CLYBL: variants seen among roughly 807,000 people sequenced by gnomAD.
The protein encoded by CLYBL is citramalyl-CoA lyase.
In CLYBL, 31 loss-of-function variants were observed where a neutral mutation model predicts 38.9. The observed-to-expected ratio is 0.80, with a 90% CI of 0.60 to 1.08. CLYBL has a LOEUF of 1.08. Ranked by LOEUF, CLYBL falls within the 50% of genes least tolerant of loss-of-function variation. CLYBL has a pLI of 0.00. For missense variants in CLYBL, 434 were observed against 411.6 expected (o/e 1.05, Z -0.47); for synonymous variants, 171 against 158.6 (o/e 1.08, Z -0.59).
chr13:99,803,441 C>G (rs1443013976), intron 2 of CLYBL, among the ~76,000 whole-genome samples: 2 of 152,228 alleles, frequency 1.3e-5, no homozygotes, highest in Admixed American at 6.5e-5. Context: ...TTTAATTAAG[C>G]CAGTCTGAAT....
intron 1 of CLYBL, among the ~76,000 whole-genome samples, chr13:99,635,800 A>G (rs189579735): frequency 9.8e-5 from 15 of 152,324 alleles, no homozygotes; most frequent in African/African-American, 2.9e-4. Flanking sequence ...CAAGTTGTTT[A>G]ATCTCCCCAG....
chr13:99,616,550 C>A (rs1382835518), intron 1 of CLYBL, among the ~76,000 whole-genome samples: 1 of 152,226 alleles, frequency 6.6e-6, no homozygotes, highest in East Asian at 1.9e-4. Flanking sequence ...CACACTGGGC[C>A]CGCCCATGGG....
rs188477000 is a variant in CLYBL at position 99,643,463 on chromosome 13, A to T, written c.62+36706A>T. On this transcript the variant is annotated intron_variant, in intron 1 of 8. Coordinates refer to ENST00000339105, the MANE Select transcript of CLYBL (RefSeq NM_206808.5). Reference sequence around the variant, plus strand: ...GAAAAAGAAGAGCTAAAACAGGTAGAAGCCTGAAACCAAGGGGCATATGCA... The same window carrying T: ...GAAAAAGAAGAGCTAAAACAGGTAGTAGCCTGAAACCAAGGGGCATATGCA... Among the ~76,000 whole-genome samples the T allele has an allele frequency of 2.6e-4, 39 of 152,342 alleles. No homozygotes were observed. In the East Asian group the frequency reaches 4.4e-3, roughly 17 times the overall value.
In CLYBL at chr13:99,761,685, G is replaced by A. The variant is rs1462520417; in HGVS notation, c.63-11139G>A. Among the ~76,000 whole-genome samples, 6 of 152,312 alleles carry A rather than the reference G, an allele frequency of 3.9e-5. No homozygotes were observed. The South Asian group carries it at 1.2e-3, about 32-fold the overall frequency. ...TTCCTTTCTTTTGGATATATACTGA[G>A]TAGTAGAATTGCTGGATCACAGCAC... is the stretch of plus-strand genomic sequence containing the variant. On this transcript the variant is annotated intron_variant, in intron 1 of 8. Transcript: ENST00000339105.
intron 1 of CLYBL, among the ~76,000 whole-genome samples, chr13:99,657,352 A>G (rs895880791): frequency 6.6e-6 from 1 of 152,258 alleles, no homozygotes; most frequent in Non-Finnish European, 1.5e-5. Flanking sequence ...ACACAGCTGT[A>G]TAGAGCAAAA....
At chr13:99,747,235 C>G (rs1331355449) in intron 1 of CLYBL, among the ~76,000 whole-genome samples, 3 of 141,116 alleles carry the variant, frequency 2.1e-5, no homozygotes, top group Non-Finnish European at 4.6e-5. Context: ...CCCCATGCTC[C>G]CTTTCTTTTC....
At chr13:99,902,527 C>T (rs2052654157) in intron 8 of CLYBL, among the ~76,000 whole-genome samples, 1 of 152,188 alleles carries the variant, frequency 6.6e-6, no homozygotes, top group South Asian at 2.1e-4. Flanking sequence ...TCTCTTCCTT[C>T]TCAAAGGGCA....
chr13:99,634,208 C>T (rs1434820878), intron 1 of CLYBL, among the ~76,000 whole-genome samples: 1 of 152,154 alleles, frequency 6.6e-6, no homozygotes, highest in South Asian at 2.1e-4. Context: ...AGAAGGTAAA[C>T]GTATTGAAAG....
intron 1 of CLYBL, among the ~76,000 whole-genome samples, chr13:99,620,889 A>G (rs2046785558): frequency 6.6e-6 from 1 of 152,220 alleles, no homozygotes; most frequent in Non-Finnish European, 1.5e-5. Context: ...CACCTCAACT[A>G]CAAAGGAGTC....
chr13:99,785,191 CTTTTTTTTTTTTT>C (rs58550861), intron 2 of CLYBL, among the ~76,000 whole-genome samples: 60 of 34,208 alleles, frequency 1.8e-3, no homozygotes, highest in East Asian at 9.4e-3. Context: ...CCCCGCCTGG[CTTTTTTTTTTTTT>C]TTTTTTTTTT....
rs377144817 is a variant in CLYBL at position 99,622,650 on chromosome 13, T to C, written c.62+15893T>C. Among the ~76,000 whole-genome samples the C allele has an allele frequency of 5.0e-4, 76 of 152,270 alleles. No homozygotes were observed. The East Asian group carries it at 0.013, about 25-fold the overall frequency. The stretch of plus-strand genomic sequence containing the variant: ...ATCACCTCCATCTAGTTCCAAAACA[T>C]TTTCATCGCCCTAAAGGAGAACTCT... On this transcript the variant is annotated intron_variant, in intron 1 of 8. Transcript: ENST00000339105.
chr13:99,898,767 T>TTGAAA (rs2052610295), downstream of CLYBL, among the ~76,000 whole-genome samples: 2 of 152,212 alleles, frequency 1.3e-5, no homozygotes, highest in African/African-American at 4.8e-5. Context: ...TGAGAGATCC[T>TTGAAA]CCCAGCTCCC....
At chr13:99,681,817 C>T (rs767679616) in intron 1 of CLYBL, among the ~76,000 whole-genome samples, 2 of 152,076 alleles carry the variant, frequency 1.3e-5, no homozygotes, top group African/African-American at 2.4e-5. Context: ...AATTCCTGAC[C>T]TCAAGTGATC....
chr13:99,842,668 G>A (rs1031765107), intron 2 of CLYBL, among the ~76,000 whole-genome samples: 2 of 151,998 alleles, frequency 1.3e-5, no homozygotes, highest in African/African-American at 2.4e-5. Flanking sequence ...CCCCAAGTGG[G>A]TGTGCACAGG....
chr13:99,631,331 A>ATG (rs10643696), intron 1 of CLYBL, among the ~76,000 whole-genome samples: 45,447 of 145,032 alleles, frequency 0.31, 7,331 homozygotes, highest in East Asian at 0.61. Context: ...CCAAATATTT[A>ATG]TGTGTGTGTG....
intron 1 of CLYBL, among the ~76,000 whole-genome samples, chr13:99,662,812 GCTTGAGCA>G (rs1410377909): frequency 6.6e-6 from 1 of 152,104 alleles, no homozygotes; most frequent in Non-Finnish European, 1.5e-5. Context: ...TTTTTAGATT[GCTTGAGCA>G]CTTTCCTTGT....
chr13:99,804,536 G>A (rs2050194561), intron 2 of CLYBL, among the ~76,000 whole-genome samples: 1 of 151,984 alleles, frequency 6.6e-6, no homozygotes. Flanking sequence ...AATGGGATTT[G>A]TGCAGCTGCA....
rs137939940 is a variant in CLYBL, at chr13:99,727,844, G to A, written c.63-44980G>A. Among the ~76,000 whole-genome samples, 609 of 152,262 alleles carry A rather than the reference G, an allele frequency of 4.0e-3. 3 individuals carry two copies. Among genetic ancestry groups the A allele is most frequent in the Non-Finnish European group, 5.8e-3 (394 of 68,018 alleles). On this transcript the variant is annotated intron_variant, in intron 1 of 8. Coordinates refer to ENST00000339105, the MANE Select transcript of CLYBL (RefSeq NM_206808.5). The stretch of plus-strand genomic sequence containing the variant: ...TGTAGTCCCAGTACTTTGAGAGGCC[G>A]AGGTGGGCGGATCACTTGAGGCCAG...
chr13:99,752,352 C>G (rs2048973213), intron 1 of CLYBL, among the ~76,000 whole-genome samples: 1 of 152,154 alleles, frequency 6.6e-6, no homozygotes, highest in South Asian at 2.1e-4. Context: ...AGACATGGTG[C>G]TGTGAGCTCC....
Sources: allele counts gnomAD v4.1 joint callset (sites outside exome capture counted in the v4.1 genomes callset), GRCh38; gene constraint gnomAD v4.1.1; transcripts MANE v1.5; gene names NCBI Gene and HGNC (gene_info 2026-07-23, HGNC 2026-07-21).